The following SNX1 variants were observed in gnomAD, a reference collection of about 807,000 sequenced individuals.
The protein encoded by SNX1 is sorting nexin 1.
In SNX1, 36 loss-of-function variants were observed where a neutral mutation model predicts 71.8. The observed-to-expected ratio is 0.50, with a 90% CI of 0.38 to 0.66. The LOEUF (loss-of-function observed/expected upper bound fraction) is 0.66, where lower values mean the gene tolerates loss of function less well. Among genes scored for constraint, SNX1 ranks in the 30% least tolerant of loss-of-function variants. The pLI, the probability that SNX1 is intolerant of heterozygous loss-of-function variation, is 0.00. For missense variants in SNX1, 612 were observed against 646.7 expected (o/e 0.95, Z 0.58); for synonymous variants, 254 against 240.7 (o/e 1.06, Z -0.51).
intron 8 of SNX1, among the ~76,000 whole-genome samples, chr15:64,128,395 A>T (rs1432056398): frequency 1.3e-5 from 2 of 152,264 alleles, no homozygotes; most frequent in East Asian, 3.8e-4. Context: ...AACATGAAAT[A>T]GCATATAAAT....
rs569051178 is a variant in SNX1 at position 64,128,502 on chromosome 15, C to G, written c.807+696C>G. On this transcript the variant is annotated intron_variant, in intron 8 of 14. Coordinates refer to ENST00000559844, the MANE Select transcript of SNX1 (RefSeq NM_003099.5). ...AAGCAAACTAGAAGGAAGTAAGTGA[C>G]TGGGTAGGGCTATCATTTTGCTTTA... Among the ~76,000 whole-genome samples the G allele has an allele frequency of 3.6e-4, 55 of 152,128 alleles. 1 individual carries two copies. Among genetic ancestry groups the G allele is most frequent in the Admixed American group, 2.7e-3 (41 of 15,280 alleles).
At chr15:64,107,691 CA>C (rs1294834877) in intron 1 of SNX1, among the ~76,000 whole-genome samples, 3 of 149,246 alleles carry the variant, frequency 2.0e-5, no homozygotes, top group African/African-American at 7.4e-5. Context: ...AATTAACAGC[CA>C]AAGGGAGTAA....
At chr15:64,132,954 C>T (rs993141521) in intron 11 of SNX1, among the ~76,000 whole-genome samples, 2 of 152,198 alleles carry the variant, frequency 1.3e-5, no homozygotes, top group African/African-American at 4.8e-5. Flanking sequence ...AGGAAGGGCA[C>T]CCTCTGGGGG....
chr15:64,142,472 C>G lies in SNX1; in HGVS notation c.*4854C>G, dbSNP rs137863409. 1.0e-3 allele frequency: 349 copies of G among 332,888 alleles called. 1 individual carries two copies. Among genetic ancestry groups the G allele is most frequent in the African/African-American group, 6.6e-3 (306 of 46,190 alleles). The allele number at this position is 332,888 out of a possible 1,614,324, so 20.6% of individuals were successfully genotyped here. A position where few individuals can be genotyped will look rare whatever the true frequency, so the allele number is the denominator to read the frequency against. On this transcript the variant is annotated 3_prime_UTR_variant, in exon 15 of 15. Coordinates refer to ENST00000559844, the MANE Select transcript of SNX1 (RefSeq NM_003099.5). ...CAGAGAAGAGAAAGAGAATGACTAT[C>G]AGAGCCATGTTTGGAAGAAAATGGG...
intron 5 of SNX1, among the ~76,000 whole-genome samples, chr15:64,125,294 C>T (rs372896555): frequency 3.3e-5 from 5 of 151,950 alleles, no homozygotes; most frequent in African/African-American, 1.2e-4. Flanking sequence ...GAAACCCCAT[C>T]TCTACTAAAA....
chr15:64,114,219 C>T (rs1296391304), intron 2 of SNX1, among the ~76,000 whole-genome samples: 1 of 151,942 alleles, frequency 6.6e-6, no homozygotes, highest in African/African-American at 2.4e-5. Context: ...GATAATTTTT[C>T]GAAGGTAATC....
intron 8 of SNX1, among the ~76,000 whole-genome samples, chr15:64,128,495 T>A (rs751725541): frequency 6.6e-6 from 1 of 152,286 alleles, no homozygotes; most frequent in African/African-American, 2.4e-5. Context: ...TAGAAGGAAG[T>A]AAGTGACTGG....
At position 64,134,948 on chromosome 15, in the gene SNX1, T is replaced by G; in HGVS notation, c.1365+141T>G. The G allele has an allele frequency of 9.1e-7, 1 of 1,100,984 alleles. No individual in the cohort carries two copies. The highest frequency in any genetic ancestry group is 1.3e-6 in the Non-Finnish European group (1 of 784,162). 68.2% of individuals were successfully genotyped at this position (1,100,984 alleles called of 1,614,324 possible). On this transcript the variant is annotated intron_variant, in intron 12 of 14. Coordinates refer to ENST00000559844, the MANE Select transcript of SNX1 (RefSeq NM_003099.5). This position sits in a 1 kb window ranked among gnomAD's most constrained non-coding sequence, Gnocchi z 4.1. ...AAGGGCCGTGGCTGCTGAGGAAGCC[T>G]CTGAGAATGACTCCAGGCCTTCCTG...
At chr15:64,132,899 A>T (rs866906471) in intron 11 of SNX1, among the ~76,000 whole-genome samples, 1 of 152,156 alleles carries the variant, frequency 6.6e-6, no homozygotes, top group African/African-American at 2.4e-5. Context: ...CCTGCTATGT[A>T]ATTCTTAGAA....
At chr15:64,107,384 G>C (rs865833510) in intron 1 of SNX1, among the ~76,000 whole-genome samples, 1 of 152,194 alleles carries the variant, frequency 6.6e-6, no homozygotes, top group Admixed American at 6.5e-5. Context: ...CAACCTAAAG[G>C]TAAGTTGCCT....
rs151238990 is a variant in SNX1 at position 64,109,296 on chromosome 15, C to T, written c.160-3277C>T. Among the ~76,000 whole-genome samples the T allele has an allele frequency of 9.6e-4, 145 of 151,092 alleles. 1 individual carries two copies. The highest frequency in any genetic ancestry group is 3.3e-3 in the African/African-American group (135 of 41,152). Reference sequence around the variant, plus strand: ...GCTGAGGCACGAGATTGCTTGAACCCGGGTAACAGAGGTTGCAGTGAGCCA... The same window carrying T: ...GCTGAGGCACGAGATTGCTTGAACCTGGGTAACAGAGGTTGCAGTGAGCCA... On this transcript the variant is annotated intron_variant, in intron 1 of 14. Coordinates refer to ENST00000559844, the MANE Select transcript of SNX1 (RefSeq NM_003099.5).
At chr15:64,096,301 C>T (rs576256453) in intron 1 of SNX1, 129 bp downstream of exon 1, 2 of 1,128,904 alleles carry the variant, frequency 1.8e-6, no homozygotes, top group Non-Finnish European at 2.4e-6. Flanking sequence ...CAGTCCGGGC[C>T]CCGGGGACCC....
At chr15:64,137,097 A>G (rs945517470) in intron 14 of SNX1, among the ~76,000 whole-genome samples, 165 bp downstream of exon 14, 2 of 152,144 alleles carry the variant, frequency 1.3e-5, no homozygotes, top group African/African-American at 4.8e-5. Context: ...TGGAGCATCC[A>G]ACAGGGTCTT....
intron 1 of SNX1, among the ~76,000 whole-genome samples, chr15:64,108,054 G>A (rs1157774024): frequency 8.6e-5 from 13 of 151,980 alleles, no homozygotes; most frequent in African/African-American, 2.4e-4. Flanking sequence ...TTAGCCCGGC[G>A]TAGTGGTGGG....
rs746095812 is a variant in SNX1, at chr15:64,112,700, A to G, written c.271+16A>G. 28 of 1,551,328 alleles carry G rather than the reference A, an allele frequency of 1.8e-5. No homozygotes were observed. Among genetic ancestry groups the G allele is most frequent in the Non-Finnish European group, 2.2e-5 (25 of 1,126,788 alleles). ...CTCTTTGCAGGCAAGTTTGGACTCAAAAGTTACTCTAGGAACCTCCTAAAT... is the reference window on the plus strand; with the variant it reads ...CTCTTTGCAGGCAAGTTTGGACTCAGAAGTTACTCTAGGAACCTCCTAAAT... On this transcript the variant is annotated intron_variant, in intron 2 of 14. Coordinates refer to ENST00000559844, the MANE Select transcript of SNX1 (RefSeq NM_003099.5).
rs1596017637 is a variant in SNX1, at chr15:64,143,528, C to G, written c.*5910C>G. 6.6e-6 allele frequency: 1 copy of G among 152,214 alleles called. No individual in the cohort carries two copies. The highest frequency in any genetic ancestry group is 6.5e-5 in the Admixed American group (1 of 15,280). The allele number at this position is 152,214 out of a possible 1,614,324, so 9.4% of individuals were successfully genotyped here. On this transcript the variant is annotated 3_prime_UTR_variant, in exon 15 of 15. Transcript: ENST00000559844. ...TCATACTGTCTGTGAAAGGACCCAG[C>G]TCACCTTTCCCTCTTTATCTCCCAG...
chr15:64,107,023 G>A (rs917457035), intron 1 of SNX1, among the ~76,000 whole-genome samples: 12 of 152,182 alleles, frequency 7.9e-5, no homozygotes, highest in African/African-American at 2.9e-4. Flanking sequence ...AGTATTTCAT[G>A]CTAAGTTCTT....
At chr15:64,108,192 C>CAA (rs1394971203) in intron 1 of SNX1, among the ~76,000 whole-genome samples, 30 of 82,624 alleles carry the variant, frequency 3.6e-4, no homozygotes, top group East Asian at 2.9e-3. Context: ...GACTCTGTCT[C>CAA]AAAAAAAAAA....
At chr15:64,132,885 T>G (rs2081321358) in intron 11 of SNX1, among the ~76,000 whole-genome samples, 2 of 152,192 alleles carry the variant, frequency 1.3e-5, no homozygotes, top group African/African-American at 4.8e-5. Flanking sequence ...GAGTGATGAG[T>G]CTACCTGCTA....
Sources: allele counts gnomAD v4.1 joint callset (sites outside exome capture counted in the v4.1 genomes callset), GRCh38; gene constraint gnomAD v4.1.1; non-coding constraint Gnocchi (gnomAD v3.1); transcripts MANE v1.5; gene names NCBI Gene and HGNC (gene_info 2026-07-23, HGNC 2026-07-21).